The following HPCAL1 variants were observed in gnomAD, a reference collection of about 807,000 sequenced individuals.
HPCAL1 encodes the protein hippocalcin-like protein 1.
Under a neutral mutation model 17.1 loss-of-function variants are expected in HPCAL1, and 8 were observed. The observed-to-expected ratio is 0.47, with a 90% confidence interval of 0.27 to 0.84. The LOEUF (loss-of-function observed/expected upper bound fraction) is 0.84, where lower values mean the gene tolerates loss of function less well. Ranked by LOEUF, HPCAL1 falls within the 40% of genes least tolerant of loss-of-function variation. The pLI is 0.13. For synonymous variants in HPCAL1, 112 were observed against 111.4 expected (o/e 1.01, Z -0.03); for missense variants, 165 against 271.1 (o/e 0.61, Z 2.75).
chr2:10,361,459 A>G (rs1411309574), intron 1 of HPCAL1, among the ~76,000 whole-genome samples: 3 of 152,152 alleles, frequency 2.0e-5, no homozygotes, highest in Non-Finnish European at 4.4e-5. Flanking sequence ...CTGAGGACTT[A>G]TCTTCTCATT....
intron 1 of HPCAL1, among the ~76,000 whole-genome samples, chr2:10,378,324 A>C (rs956447036): frequency 6.9e-6 from 1 of 143,932 alleles, no homozygotes; most frequent in South Asian, 2.2e-4. Context: ...GGCCAGACAG[A>C]TTTGGTTGCA....
chr2:10,326,760 C>T (rs1005050606), intron 1 of HPCAL1, among the ~76,000 whole-genome samples: 1 of 152,226 alleles, frequency 6.6e-6, no homozygotes, highest in Non-Finnish European at 1.5e-5. Context: ...TGACTGGTCC[C>T]TTTGGGCAGA....
At chr2:10,361,807 C>T (rs377400078) in intron 1 of HPCAL1, among the ~76,000 whole-genome samples, 1 of 151,750 alleles carries the variant, frequency 6.6e-6, no homozygotes, top group African/African-American at 2.4e-5. Context: ...ACCTCTGCCT[C>T]CCAGGTTCAA....
At position 10,330,294 on chromosome 2, in the gene HPCAL1, A is replaced by G. The variant is rs749968654; in HGVS notation, c.-111+27117A>G. ...TCCTGACTTTTTGGTGGATGTTTGC[A>G]ATTCCCAGAATGCTTATTCTTATTT... On this transcript the variant is annotated intron_variant, in intron 1 of 4. Transcript: ENST00000307845. The surrounding 1 kb of genome is among the most constrained non-coding windows in gnomAD (Gnocchi z 4.2). The G allele has an allele frequency of 6.6e-6, 1 of 152,160 alleles. No homozygotes were observed. Among genetic ancestry groups the G allele is most frequent in the Non-Finnish European group, 1.5e-5 (1 of 68,064 alleles). The allele number at this position is 152,160 out of a possible 1,614,324, so 9.4% of individuals were successfully genotyped here.
chr2:10,416,085 C>A (rs1670652862), intron 2 of HPCAL1, among the ~76,000 whole-genome samples: 1 of 152,196 alleles, frequency 6.6e-6, no homozygotes. Flanking sequence ...TCACAATGGC[C>A]CAGGCCCTCA....
chr2:10,404,721 T>C (rs968545470), intron 2 of HPCAL1, among the ~76,000 whole-genome samples: 3 of 152,238 alleles, frequency 2.0e-5, no homozygotes, highest in Admixed American at 1.3e-4. Flanking sequence ...GGGCTTCTTC[T>C]GTCCTTTTTC....
At chr2:10,418,792 G>C (rs1330874810) in intron 2 of HPCAL1, among the ~76,000 whole-genome samples, 1 of 152,190 alleles carries the variant, frequency 6.6e-6, no homozygotes, top group Non-Finnish European at 1.5e-5. Context: ...GGATGGTTTT[G>C]AGCAGAGCAG....
chr2:10,424,726 G>A, intron 4 of HPCAL1: 6 of 443,738 alleles, frequency 1.4e-5, no homozygotes, highest in South Asian at 9.7e-5. Context: ...GGCAAGGAGG[G>A]AAGAGTGATA....
chr2:10,356,543 G>C (rs1433761854), intron 1 of HPCAL1, among the ~76,000 whole-genome samples: 1 of 152,144 alleles, frequency 6.6e-6, no homozygotes, highest in Non-Finnish European at 1.5e-5. Context: ...TGAATGACAG[G>C]AGAGGAGCCT....
At chr2:10,416,117 C>T (rs1670654685) in intron 2 of HPCAL1, among the ~76,000 whole-genome samples, 1 of 152,342 alleles carries the variant, frequency 6.6e-6, no homozygotes, top group South Asian at 2.1e-4. Context: ...CAGGAGGGTT[C>T]CCACCACCTC....
intron 1 of HPCAL1, among the ~76,000 whole-genome samples, chr2:10,364,122 T>C (rs1346628100): frequency 6.6e-6 from 1 of 152,188 alleles, no homozygotes; most frequent in East Asian, 1.9e-4. Context: ...GAGATGGTAG[T>C]GACCTTGTCC....
chr2:10,356,763 G>GGT (rs376770990), intron 1 of HPCAL1, among the ~76,000 whole-genome samples: 39 of 152,148 alleles, frequency 2.6e-4, no homozygotes, highest in African/African-American at 9.4e-4. Context: ...CCATGCTCTT[G>GGT]GTGTTCCCTC....
intron 4 of HPCAL1, chr2:10,423,833 C>G (rs943120435): frequency 6.5e-6 from 1 of 152,782 alleles, no homozygotes; most frequent in African/African-American, 2.4e-5. Context: ...TGGCTCACGC[C>G]TGTAATCCCA....
chr2:10,425,250 T>C (rs1671332783), intron 4 of HPCAL1: 1 of 152,864 alleles, frequency 6.5e-6, no homozygotes, highest in African/African-American at 2.4e-5. Flanking sequence ...CTGCCCTGAG[T>C]GGTCAGAGGT....
At chr2:10,406,715 G>A (rs1186878228) in intron 2 of HPCAL1, among the ~76,000 whole-genome samples, 2 of 152,216 alleles carry the variant, frequency 1.3e-5, no homozygotes, top group African/African-American at 4.8e-5. Context: ...TCTGCTCCCC[G>A]CCTGGCATCC....
Position 10,365,983 on chromosome 2 carries a change from T to C in HPCAL1, c.-110-30852T>C, listed in dbSNP as rs1381263179. On this transcript the variant is annotated intron_variant, in intron 1 of 4. Coordinates refer to ENST00000307845, the MANE Select transcript of HPCAL1 (RefSeq NM_002149.4). This position sits in a 1 kb window ranked among gnomAD's most constrained non-coding sequence, Gnocchi z 4.8. ...CGCTCACTCCCCCAGACACACTGAG[T>C]ACTCTTTCCTCAAGCTCAGTGCAGT... 6.6e-6 allele frequency among the ~76,000 whole-genome samples: 1 copy of C among 152,146 alleles called. No homozygotes were observed. The highest frequency in any genetic ancestry group is 1.5e-5 in the Non-Finnish European group (1 of 68,028).
intron 2 of HPCAL1, among the ~76,000 whole-genome samples, chr2:10,411,521 G>A (rs529052325): frequency 1.1e-4 from 17 of 152,304 alleles, no homozygotes; most frequent in Admixed American, 9.2e-4. Flanking sequence ...TCCAAATGCC[G>A]TTGTCCTAGG....
chr2:10,351,196 A>G lies in HPCAL1; in HGVS notation c.-110-45639A>G, dbSNP rs145221745. ...TGAATGGATAAACAAAATGTAGTCTATCCATACAATGGAATATCACTGAGC... is the reference window on the plus strand; with the variant it reads ...TGAATGGATAAACAAAATGTAGTCTGTCCATACAATGGAATATCACTGAGC... On this transcript the variant is annotated intron_variant, in intron 1 of 4. Transcript: ENST00000307845. 3.1e-3 allele frequency among the ~76,000 whole-genome samples: 477 copies of G among 152,370 alleles called. 3 individuals carry two copies. The highest frequency in any genetic ancestry group is 0.011 in the African/African-American group (449 of 41,588).
At chr2:10,417,780 G>A (rs1465476981) in intron 2 of HPCAL1, among the ~76,000 whole-genome samples, 5 of 152,078 alleles carry the variant, frequency 3.3e-5, no homozygotes, top group South Asian at 2.1e-4. Context: ...CTTGGCTCAC[G>A]GCTGTAGTCC....
Sources: gnomAD v4.1 joint callset for allele counts (sites outside exome capture counted in the v4.1 genomes callset) on GRCh38, gnomAD v4.1.1 for gene constraint, Gnocchi (gnomAD v3.1) non-coding constraint, MANE v1.5 for transcripts, NCBI Gene and HGNC (gene_info 2026-07-23, HGNC 2026-07-21) for gene names.